ESR1: variants seen among roughly 807,000 people sequenced by gnomAD.
ESR1 encodes estrogen receptor 1, also known as estrogen receptor.
ESR1 carries 12 observed loss-of-function variants against 52.7 expected under a neutral mutation model. The ratio of observed to expected loss-of-function variants is 0.23; its 90% CI spans 0.15 to 0.37. The LOEUF is 0.37. Ranked by LOEUF, ESR1 falls within the 10% of genes least tolerant of loss-of-function variation. ESR1 has a pLI of 1.00. For missense variants in ESR1, 584 were observed against 779.7 expected, an observed-to-expected ratio of 0.75 and a Z score of 2.99; for synonymous variants, 305 against 316.8, an observed-to-expected ratio of 0.96 and a Z score of 0.39.
chr6:151,699,117 G>C (rs1377137259), intron 1 of ESR1, among the ~76,000 whole-genome samples: 1 of 152,144 alleles, frequency 6.6e-6, no homozygotes, highest in East Asian at 1.9e-4. Context: ...GGGCTCTGCA[G>C]GGTCCTTTCT....
chr6:152,028,069 G>A (rs1367712644), intron 5 of ESR1, among the ~76,000 whole-genome samples: 4 of 152,024 alleles, frequency 2.6e-5, no homozygotes, highest in East Asian at 1.9e-4. Flanking sequence ...GCCTGAATCC[G>A]GGAGGCAGAG....
chr6:151,979,588 G>T (rs1173177908), intron 4 of ESR1, among the ~76,000 whole-genome samples: 1 of 152,084 alleles, frequency 6.6e-6, no homozygotes, highest in African/African-American at 2.4e-5. Flanking sequence ...TTTTGAGAAT[G>T]TACAGTAACT....
chr6:151,922,654 T>A (rs1233189685), intron 3 of ESR1, among the ~76,000 whole-genome samples: 2 of 152,098 alleles, frequency 1.3e-5, no homozygotes, highest in Non-Finnish European at 2.9e-5. Context: ...TTCAGACTTA[T>A]CTTCTGTATT....
intron 2 of ESR1, among the ~76,000 whole-genome samples, chr6:151,751,956 C>T (rs985613755): frequency 2.0e-5 from 3 of 152,150 alleles, no homozygotes; most frequent in East Asian, 1.9e-4. Flanking sequence ...TTGAGAGGTC[C>T]GCATTTTCTT....
intron 3 of ESR1, among the ~76,000 whole-genome samples, chr6:151,937,269 A>G (rs2034476298): frequency 1.3e-5 from 2 of 152,208 alleles, no homozygotes; most frequent in Admixed American, 6.5e-5. Flanking sequence ...TAGCTGCTCT[A>G]GACAAAATGG....
At chr6:151,713,795 G>A (rs183795630) in intron 2 of ESR1, among the ~76,000 whole-genome samples, 147 of 151,866 alleles carry the variant, frequency 9.7e-4, no homozygotes, top group Non-Finnish European at 9.4e-4. Flanking sequence ...CAGCTCCTGT[G>A]TTCATTGATT....
chr6:151,948,618 C>G (rs117233406), intron 4 of ESR1, among the ~76,000 whole-genome samples: 1 of 152,136 alleles, frequency 6.6e-6, no homozygotes, highest in South Asian at 2.1e-4. Context: ...CCTGCCGAGT[C>G]CCCCTCTAAT....
At chr6:152,124,559 A>G (rs2052654631) in intron 6 of ESR1, among the ~76,000 whole-genome samples, 1 of 152,106 alleles carries the variant, frequency 6.6e-6, no homozygotes, top group Non-Finnish European at 1.5e-5. Flanking sequence ...TTACTGTTCG[A>G]TGTTTTTGTC....
intron 5 of ESR1, among the ~76,000 whole-genome samples, chr6:152,015,090 C>T (rs1304505023): frequency 6.6e-6 from 1 of 152,042 alleles, no homozygotes; most frequent in East Asian, 1.9e-4. Context: ...GTGTAGACTT[C>T]TTATCTTAAT....
At chr6:152,044,990 A>G (rs978333407) in intron 5 of ESR1, among the ~76,000 whole-genome samples, 3 of 152,242 alleles carry the variant, frequency 2.0e-5, no homozygotes, top group African/African-American at 7.2e-5. Flanking sequence ...CTGAGAGTAC[A>G]TAATCTATTG....
At chr6:151,685,428 C>T (rs549563990) in intron 1 of ESR1, among the ~76,000 whole-genome samples, 2 of 152,318 alleles carry the variant, frequency 1.3e-5, no homozygotes, top group South Asian at 2.1e-4. Context: ...CCACCGCGCC[C>T]GGCCACTGGC....
intron 2 of ESR1, among the ~76,000 whole-genome samples, chr6:151,872,242 A>G (rs1426506857): frequency 1.3e-5 from 2 of 152,144 alleles, no homozygotes; most frequent in Non-Finnish European, 2.9e-5. Flanking sequence ...TATGACGGAA[A>G]TCTCATATCA....
chr6:151,902,399 TTCTC>T (rs1796825218), intron 3 of ESR1, among the ~76,000 whole-genome samples: 1 of 152,224 alleles, frequency 6.6e-6, no homozygotes, highest in African/African-American at 2.4e-5. Context: ...CTAGATCTGT[TTCTC>T]TCTCTTTGTG....
chr6:151,764,535 A>G (rs1230647286), intron 2 of ESR1, among the ~76,000 whole-genome samples: 1 of 152,168 alleles, frequency 6.6e-6, no homozygotes, highest in Non-Finnish European at 1.5e-5. Context: ...CAATGAAGAT[A>G]TAGTCTCGGG....
chr6:151,831,546 G>A (rs1782416218), intron 1 of ESR1, among the ~76,000 whole-genome samples: 1 of 152,146 alleles, frequency 6.6e-6, no homozygotes, highest in Non-Finnish European at 1.5e-5. Flanking sequence ...TGGGTTGTGA[G>A]CCCTTTGGGT....
chr6:151,691,017 CTG>C (rs1331096438), intron 1 of ESR1, among the ~76,000 whole-genome samples: 4 of 152,184 alleles, frequency 2.6e-5, no homozygotes, highest in African/African-American at 9.7e-5. Context: ...TATTGTTGAA[CTG>C]TGTTAGAATT....
At chr6:151,779,041 G>A (rs983852031) in intron 2 of ESR1, among the ~76,000 whole-genome samples, 6 of 151,992 alleles carry the variant, frequency 3.9e-5, no homozygotes, top group African/African-American at 1.5e-4. Context: ...CATTCTGTAG[G>A]TTGCCTGTTC....
intron 1 of ESR1, among the ~76,000 whole-genome samples, chr6:151,824,457 G>A (rs1415981601): frequency 6.6e-6 from 1 of 152,124 alleles, no homozygotes; most frequent in Non-Finnish European, 1.5e-5. Context: ...CTTTTGCTGT[G>A]CAGAAGCTCT....
chr6:152,074,907 A>C (rs2128994772), intron 6 of ESR1, among the ~76,000 whole-genome samples: 1 of 150,472 alleles, frequency 6.6e-6, no homozygotes, highest in African/African-American at 2.4e-5. Flanking sequence ...TGTCTGTTAA[A>C]CTCTTTGGTC....
Sources: allele counts gnomAD v4.1 joint callset (sites outside exome capture counted in the v4.1 genomes callset), GRCh38; gene constraint gnomAD v4.1.1; transcripts MANE v1.5; gene names NCBI Gene and HGNC (gene_info 2026-07-23, HGNC 2026-07-21).